TRAPPC9: variants seen among roughly 807,000 people sequenced by gnomAD.
TRAPPC9 encodes the protein trafficking protein particle complex subunit 9, also known as IKK2 binding protein.
A neutral mutation model predicts 124.0 loss-of-function variants in TRAPPC9; 83 were observed. The observed-to-expected ratio is 0.67, with a 90% confidence interval of 0.56 to 0.80. TRAPPC9 has a LOEUF of 0.80. Among genes scored for constraint, TRAPPC9 ranks in the 30% least tolerant of loss-of-function variants. The probability of loss-of-function intolerance (pLI) is 0.00; values close to 1 mark genes in which losing one functional copy is unlikely to be tolerated. For synonymous variants in TRAPPC9, 638 were observed against 617.5 expected, an observed-to-expected ratio of 1.03 and a Z score of -0.49; for missense variants, 1,302 against 1,508.3, an observed-to-expected ratio of 0.86 and a Z score of 2.27.
chr8:140,178,612 G>A (rs2062126876), intron 17 of TRAPPC9, among the ~76,000 whole-genome samples: 1 of 152,070 alleles, frequency 6.6e-6, no homozygotes, highest in African/African-American at 2.4e-5. Flanking sequence ...TCTGATGTTG[G>A]TGTCAGGATA....
intron 2 of TRAPPC9, among the ~76,000 whole-genome samples, chr8:140,450,549 G>C (rs1248446073): frequency 6.6e-6 from 1 of 152,120 alleles, no homozygotes; most frequent in East Asian, 1.9e-4. Flanking sequence ...AAAAAGAGGG[G>C]AGTGTACAAG....
intron 10 of TRAPPC9, among the ~76,000 whole-genome samples, chr8:140,304,402 T>C (rs1418499244): frequency 6.6e-6 from 1 of 152,182 alleles, no homozygotes; most frequent in African/African-American, 2.4e-5. Context: ...GCCCCAATTT[T>C]TTTTTTAATT....
intron 19 of TRAPPC9, among the ~76,000 whole-genome samples, chr8:139,917,665 G>A (rs573687476): frequency 1.3e-5 from 2 of 152,284 alleles, no homozygotes; most frequent in South Asian, 2.1e-4. Flanking sequence ...CTCCATCTTC[G>A]CAGCAGCCCT....
At chr8:140,023,807 G>C (rs1839957470) in intron 18 of TRAPPC9, 130 bp downstream of exon 18, 1 of 1,387,010 alleles carries the variant, frequency 7.2e-7, no homozygotes, top group African/African-American at 1.4e-5. Flanking sequence ...ATCCCAGAGA[G>C]GCTCAGCAAC....
At chr8:140,078,446 G>A (rs1843630480) in intron 17 of TRAPPC9, among the ~76,000 whole-genome samples, 1 of 152,184 alleles carries the variant, frequency 6.6e-6, no homozygotes, top group Admixed American at 6.5e-5. Context: ...ACTGGATGGA[G>A]GCTTAGTGAG....
intron 20 of TRAPPC9, among the ~76,000 whole-genome samples, chr8:139,886,678 G>A (rs918763084): frequency 3.3e-4 from 50 of 152,334 alleles, no homozygotes; most frequent in African/African-American, 1.2e-3. Flanking sequence ...CAAAAGTGGA[G>A]AAAATACCCC....
chr8:140,096,677 T>C (rs1160651915), intron 17 of TRAPPC9: 1 of 151,226 alleles, frequency 6.6e-6, no homozygotes, highest in Non-Finnish European at 1.5e-5. Context: ...GTAAAGCCGG[T>C]TGGAAGTAAA....
intron 17 of TRAPPC9, among the ~76,000 whole-genome samples, chr8:140,094,479 G>A (rs928392884): frequency 6.6e-6 from 1 of 152,120 alleles, no homozygotes; most frequent in African/African-American, 2.4e-5. Context: ...GCTGCCAAAG[G>A]AAAGGTCAGA....
At position 140,063,139 on chromosome 8, in the gene TRAPPC9, G is replaced by T. The variant is rs972802764; in HGVS notation, c.2557-39060C>A. 6.6e-6 allele frequency among the ~76,000 whole-genome samples: 1 copy of T among 152,152 alleles called. No homozygotes were observed. The highest frequency in any genetic ancestry group is 6.5e-5 in the Admixed American group (1 of 15,272). ...AGAACCCACCCACTATCATGAGAACGGTGTGGGGGAAGCGGCCACTGTGAT... is the reference window on the plus strand; with the variant it reads ...AGAACCCACCCACTATCATGAGAACTGTGTGGGGGAAGCGGCCACTGTGAT... On this transcript the variant is annotated intron_variant, in intron 17 of 22. Coordinates refer to ENST00000438773, the MANE Select transcript of TRAPPC9 (RefSeq NM_001160372.4). The surrounding 1 kb of genome is among the most constrained non-coding windows in gnomAD (Gnocchi z 4.3).
intron 16 of TRAPPC9, among the ~76,000 whole-genome samples, chr8:140,222,363 T>C (rs928038694): frequency 2.0e-5 from 3 of 152,200 alleles, no homozygotes; most frequent in Admixed American, 6.5e-5. Context: ...CATCTTTAAG[T>C]CCTCTCTGCA....
chr8:140,163,142 A>C (rs932080183), intron 17 of TRAPPC9, among the ~76,000 whole-genome samples: 1 of 152,226 alleles, frequency 6.6e-6, no homozygotes, highest in African/African-American at 2.4e-5. Flanking sequence ...ATGCACGCAG[A>C]GGGCTTGCCA....
At chr8:140,278,206 C>A (rs184013385) in intron 14 of TRAPPC9, among the ~76,000 whole-genome samples, 3 of 152,116 alleles carry the variant, frequency 2.0e-5, no homozygotes, top group African/African-American at 4.8e-5. Context: ...CGGGTTCAAG[C>A]GATTCTCCTG....
intron 21 of TRAPPC9, among the ~76,000 whole-genome samples, chr8:139,753,278 T>C (rs1290801898): frequency 4.7e-5 from 6 of 128,820 alleles, no homozygotes; most frequent in Admixed American, 7.5e-5. Flanking sequence ...ATCCAACATC[T>C]ACCCATCCAT....
chr8:140,159,910 T>C (rs1454411748), intron 17 of TRAPPC9, among the ~76,000 whole-genome samples: 10 of 152,144 alleles, frequency 6.6e-5, no homozygotes, highest in African/African-American at 2.4e-4. Context: ...CCTGCCCTAT[T>C]TAGGCTAATA....
intron 5 of TRAPPC9, among the ~76,000 whole-genome samples, chr8:140,406,979 A>G (rs2069515791): frequency 1.3e-5 from 2 of 152,368 alleles, no homozygotes; most frequent in South Asian, 4.1e-4. Flanking sequence ...TCCCCCAGGT[A>G]CCAGGCACCC....
At chr8:139,973,746 C>A (rs908576216) in intron 19 of TRAPPC9, among the ~76,000 whole-genome samples, 1 of 152,176 alleles carries the variant, frequency 6.6e-6, no homozygotes, top group Non-Finnish European at 1.5e-5. Context: ...TCCTTCCCCA[C>A]ATGCAGGACC....
At chr8:140,077,147 G>A (rs957527391) in intron 17 of TRAPPC9, among the ~76,000 whole-genome samples, 2 of 152,080 alleles carry the variant, frequency 1.3e-5, no homozygotes, top group South Asian at 4.1e-4. Context: ...GCCCGAGTGA[G>A]AGAGCCAGAT....
chr8:139,979,806 G>T (rs1173571836), intron 19 of TRAPPC9, among the ~76,000 whole-genome samples: 2 of 152,138 alleles, frequency 1.3e-5, no homozygotes, highest in Non-Finnish European at 2.9e-5. Flanking sequence ...CTGCCAGGGG[G>T]ACCCAGGACA....
chr8:139,846,815 A>C (rs761372570), intron 21 of TRAPPC9, among the ~76,000 whole-genome samples: 16 of 152,180 alleles, frequency 1.1e-4, no homozygotes, highest in Non-Finnish European at 1.5e-4. Context: ...CTGTCTGTGG[A>C]GGAGGCCCAG....
Sources: gnomAD v4.1 joint callset for allele counts (sites outside exome capture counted in the v4.1 genomes callset) on GRCh38, gnomAD v4.1.1 for gene constraint, Gnocchi (gnomAD v3.1) non-coding constraint, MANE v1.5 for transcripts, NCBI Gene and HGNC (gene_info 2026-07-23, HGNC 2026-07-21) for gene names.